Variants in ATXN7L1 observed in about 807,000 individuals in gnomAD.
The protein encoded by ATXN7L1 is ataxin-7-like protein 1.
In ATXN7L1, 15 loss-of-function variants were observed where a neutral mutation model predicts 70.8. The ratio of observed to expected loss-of-function variants is 0.21; its 90% CI spans 0.14 to 0.33. The LOEUF (loss-of-function observed/expected upper bound fraction) is 0.33, where lower values mean the gene tolerates loss of function less well. Ranked by LOEUF, ATXN7L1 falls within the 10% of genes least tolerant of loss-of-function variation. The pLI, the probability that ATXN7L1 is intolerant of heterozygous loss-of-function variation, is 1.00. For synonymous variants in ATXN7L1, 440 were observed against 445.1 expected (o/e 0.99, Z 0.14); for missense variants, 975 against 1,097.1 (o/e 0.89, Z 1.57).
chr7:105,690,296 C>T (rs1176995716), intron 3 of ATXN7L1, among the ~76,000 whole-genome samples: 2 of 151,900 alleles, frequency 1.3e-5, no homozygotes, highest in African/African-American at 4.8e-5. Context: ...TGAGCCACCG[C>T]GCCCAGCAAA....
At chr7:105,807,467 G>C (rs1022406357) in intron 2 of ATXN7L1, among the ~76,000 whole-genome samples, 1 of 152,154 alleles carries the variant, frequency 6.6e-6, no homozygotes, top group Non-Finnish European at 1.5e-5. Flanking sequence ...CTTCTGACGC[G>C]GCACTCCTGG....
Position 105,607,579 on chromosome 7 carries a change from A to G in ATXN7L1, c.*273T>C, listed in dbSNP as rs1022636732. The G allele has an allele frequency of 4.0e-6, 2 of 502,012 alleles. No individual in the cohort carries two copies. Among genetic ancestry groups the G allele is most frequent in the African/African-American group, 1.9e-5 (1 of 52,288 alleles). The allele number at this position is 502,012 out of a possible 1,614,324, so 31.1% of individuals were successfully genotyped here. On this transcript the variant is annotated 3_prime_UTR_variant, in exon 12 of 12. Coordinates refer to ENST00000419735, the MANE Select transcript of ATXN7L1 (RefSeq NM_020725.2). ...ATCAGGAGCTAGGGGAGTGACCCCA[A>G]ATTTGGAAGAATGTAAAAACATGGC...
intron 4 of ATXN7L1, among the ~76,000 whole-genome samples, chr7:105,647,265 A>G (rs955391883): frequency 6.6e-6 from 1 of 152,220 alleles, no homozygotes; most frequent in African/African-American, 2.4e-5. Context: ...AAAATGCCCT[A>G]TGTAGATGTT....
At chr7:105,751,878 G>C in intron 3 of ATXN7L1, among the ~76,000 whole-genome samples, 1 of 152,186 alleles carries the variant, frequency 6.6e-6, no homozygotes, top group East Asian at 1.9e-4. Flanking sequence ...AAAATCACTG[G>C]AATCTCTTTC....
intron 11 of ATXN7L1, among the ~76,000 whole-genome samples, chr7:105,610,043 C>G (rs1041087132): frequency 6.6e-6 from 1 of 152,052 alleles, no homozygotes; most frequent in Admixed American, 6.5e-5. Flanking sequence ...AGTGTTGGGA[C>G]TACAGGCATG....
At chr7:105,712,822 C>T (rs1794091918) in intron 3 of ATXN7L1, among the ~76,000 whole-genome samples, 1 of 152,210 alleles carries the variant, frequency 6.6e-6, no homozygotes, top group South Asian at 2.1e-4. Context: ...CCAAACTGTT[C>T]CAACCTCTGC....
chr7:105,872,016 G>A lies in ATXN7L1; in HGVS notation c.250+3796C>T, dbSNP rs925953691. On this transcript the variant is annotated intron_variant, in intron 2 of 11. Coordinates refer to ENST00000419735, the MANE Select transcript of ATXN7L1 (RefSeq NM_020725.2). Reference sequence around the variant, plus strand: ...AATAATTTTTTTTTTTTTTTGAGCTGGAGTCTCGCTCTTTCGCCCAGGCTG... The same window carrying A: ...AATAATTTTTTTTTTTTTTTGAGCTAGAGTCTCGCTCTTTCGCCCAGGCTG... Among the ~76,000 whole-genome samples the A allele has an allele frequency of 3.3e-5, 5 of 149,280 alleles. No individual in the cohort carries two copies. In the East Asian group the frequency reaches 5.9e-4, roughly 18 times the overall value.
chr7:105,758,998 C>T (rs961675723), intron 3 of ATXN7L1, among the ~76,000 whole-genome samples: 1 of 152,072 alleles, frequency 6.6e-6, no homozygotes, highest in Non-Finnish European at 1.5e-5. Flanking sequence ...GGCTTCAAAT[C>T]CTTTCTTTGA....
At chr7:105,677,886 A>C in intron 3 of ATXN7L1, 1 of 943,322 alleles carries the variant, frequency 1.1e-6, no homozygotes, top group Non-Finnish European at 1.3e-6. Flanking sequence ...GTCTCTTATA[A>C]GAGAAGGTGA....
intron 4 of ATXN7L1, among the ~76,000 whole-genome samples, chr7:105,645,810 CACAAACAAACAAACAAACAAACAA>C (rs58661590): frequency 7.0e-6 from 1 of 143,264 alleles, no homozygotes; most frequent in Non-Finnish European, 1.5e-5. Flanking sequence ...GAGACGCCAC[CACAAACAAACAAACAAACAAACAA>C]ACAAACAAAC....
chr7:105,860,760 C>T (rs537603887), intron 2 of ATXN7L1, among the ~76,000 whole-genome samples: 1 of 152,214 alleles, frequency 6.6e-6, no homozygotes, highest in Middle Eastern at 3.4e-3. Context: ...AAGAAAAAGA[C>T]AATACAGGTA....
intron 3 of ATXN7L1, among the ~76,000 whole-genome samples, chr7:105,704,767 C>T (rs980890180): frequency 6.6e-6 from 1 of 151,602 alleles, no homozygotes; most frequent in Non-Finnish European, 1.5e-5. Context: ...TGTGCCATCA[C>T]ACCCGGCTAA....
In ATXN7L1 at chr7:105,685,044, G is replaced by GATAATAATAATAATA. The variant is rs112358794; in HGVS notation, c.356-19771_356-19757dup. Among the ~76,000 whole-genome samples, 9 of 142,692 alleles carry GATAATAATAATAATA rather than the reference G, an allele frequency of 6.3e-5. No individual in the cohort carries two copies. The East Asian group carries it at 1.0e-3, about 16-fold the overall frequency. 93.6% of individuals were successfully genotyped at this position (142,692 alleles called of 152,430 possible). A position where few individuals can be genotyped will look rare whatever the true frequency, so the allele number is the denominator to read the frequency against. Reference sequence around the variant, plus strand: ...ACTGCCTTTAGTACAGAGAAGAGATGATAATAATAATAATAATAATAATAA... The same window carrying GATAATAATAATAATA: ...ACTGCCTTTAGTACAGAGAAGAGATGATAATAATAATAATAATAATAATAATAATAATAATAATAA... On this transcript the variant is annotated intron_variant, in intron 3 of 11. Transcript: ENST00000419735.
At position 105,856,625 on chromosome 7, in the gene ATXN7L1, T is replaced by C. The variant is rs146196892; in HGVS notation, c.250+19187A>G. On this transcript the variant is annotated intron_variant, in intron 2 of 11. Coordinates refer to ENST00000419735, the MANE Select transcript of ATXN7L1 (RefSeq NM_020725.2). ...AAAAGAATTTAAATATTTTATTCTT[T>C]ATAAAGCATATGCTAAACAGCTTTT... 4.0e-3 allele frequency among the ~76,000 whole-genome samples: 612 copies of C among 152,168 alleles called. 3 individuals are homozygous for C. The highest frequency in any genetic ancestry group is 0.014 in the African/African-American group (567 of 41,528).
chr7:105,794,095 T>C (rs148617094), intron 2 of ATXN7L1, among the ~76,000 whole-genome samples: 64 of 152,218 alleles, frequency 4.2e-4, no homozygotes, highest in African/African-American at 1.4e-3. Context: ...TTTTACTCTA[T>C]TCTATTTCAT....
chr7:105,865,079 G>A (rs1327611624), intron 2 of ATXN7L1, among the ~76,000 whole-genome samples: 3 of 152,202 alleles, frequency 2.0e-5, no homozygotes, highest in African/African-American at 4.8e-5. Context: ...CAGTAAGAAC[G>A]CAGTCTGTCC....
chr7:105,740,775 T>TG (rs1797911146), intron 3 of ATXN7L1, among the ~76,000 whole-genome samples: 1 of 105,852 alleles, frequency 9.4e-6, no homozygotes, highest in Non-Finnish European at 1.7e-5. Flanking sequence ...ATTCATTTTT[T>TG]TTTTTTTTTA....
intron 2 of ATXN7L1, among the ~76,000 whole-genome samples, chr7:105,859,434 C>T (rs1816230262): frequency 6.6e-6 from 1 of 152,030 alleles, no homozygotes; most frequent in African/African-American, 2.4e-5. Context: ...CACACACAGT[C>T]GCATAATGAC....
At chr7:105,681,418 T>G (rs995904433) in intron 3 of ATXN7L1, among the ~76,000 whole-genome samples, 2 of 152,290 alleles carry the variant, frequency 1.3e-5, no homozygotes, top group East Asian at 3.9e-4. Context: ...TTGGTGAGGA[T>G]GTGGGGAAGT....
Sources: allele counts gnomAD v4.1 joint callset (sites outside exome capture counted in the v4.1 genomes callset), GRCh38; gene constraint gnomAD v4.1.1; transcripts MANE v1.5; gene names NCBI Gene and HGNC (gene_info 2026-07-23, HGNC 2026-07-21).